Variants in PLG observed in about 807,000 individuals in gnomAD.
The protein encoded by PLG is plasmin.
In PLG, 41 loss-of-function variants were observed where a neutral mutation model predicts 104.4. The observed-to-expected ratio is 0.39, with a 90% confidence interval of 0.31 to 0.51. The LOEUF (loss-of-function observed/expected upper bound fraction) is 0.51. PLG is among the 20% of genes least tolerant of loss of function. PLG has a pLI of 0.76. For missense variants in PLG, 891 were observed against 1,003.6 expected, an observed-to-expected ratio of 0.89 and a Z score of 1.52; for synonymous variants, 337 against 357.1, an observed-to-expected ratio of 0.94 and a Z score of 0.63.
rs1343185779 is a variant in PLG, at chr6:160,716,637, C to G, written c.669-8C>G. ...TCAGTGCTACTAAAATCTTTCTTGTCCATTCAGATTTCCAAACAAGAACCT... is the reference window on the plus strand; with the variant it reads ...TCAGTGCTACTAAAATCTTTCTTGTGCATTCAGATTTCCAAACAAGAACCT... On this transcript the variant is annotated splice_polypyrimidine_tract_variant and splice_region_variant and intron_variant, in intron 6 of 18. Coordinates refer to ENST00000308192, the MANE Select transcript of PLG (RefSeq NM_000301.5). The G allele has an allele frequency of 2.0e-6, 3 of 1,481,594 alleles. No individual in the cohort carries two copies. In the East Asian group the frequency reaches 6.8e-5, roughly 33 times the overall value. 91.8% of individuals were successfully genotyped at this position (1,481,594 alleles called of 1,614,324 possible).
intron 1 of PLG, among the ~76,000 whole-genome samples, chr6:160,704,970 C>A (rs1777490337): frequency 6.6e-6 from 1 of 152,176 alleles, no homozygotes; most frequent in Non-Finnish European, 1.5e-5. Flanking sequence ...TCAGAACCTC[C>A]CCTGACCGCA....
rs574647595 is a variant in PLG, at chr6:160,724,055, C to A, written c.1256+1488C>A. Among the ~76,000 whole-genome samples, 3 of 152,322 alleles carry A rather than the reference C, an allele frequency of 2.0e-5. No individual in the cohort carries two copies. The highest frequency in any genetic ancestry group is 6.5e-5 in the Admixed American group (1 of 15,304). On this transcript the variant is annotated intron_variant, in intron 10 of 18. Transcript: ENST00000308192. This position sits in a 1 kb window ranked among gnomAD's most constrained non-coding sequence, Gnocchi z 5.0. The stretch of plus-strand genomic sequence containing the variant: ...AAAATCAAGTTGCTCAGTTATGTGG[C>A]ATCCACAATGTGTGACCTAAATTTA...
In PLG at chr6:160,731,297, C is replaced by T. The variant is rs1002629614; in HGVS notation, c.1438+65C>T. 1 of 1,381,222 alleles carries T rather than the reference C, an allele frequency of 7.2e-7. No individual in the cohort carries two copies. The highest frequency in any genetic ancestry group is 1.4e-5 in the African/African-American group (1 of 70,500). The allele number at this position is 1,381,222 out of a possible 1,614,324, so 85.6% of individuals were successfully genotyped here. On this transcript the variant is annotated intron_variant, in intron 11 of 18. Transcript: ENST00000308192. The surrounding 1 kb of genome is among the most constrained non-coding windows in gnomAD (Gnocchi z 5.1). ...TGGGATGAAAAGCCATGGAAAATCT[C>T]ACTGATGCAGAAACCTTCCATGCTA...
At position 160,741,814 on chromosome 6, in the gene PLG, C is replaced by T. The variant is rs1344825557; in HGVS notation, c.2125+397C>T. 1.3e-5 allele frequency among the ~76,000 whole-genome samples: 2 copies of T among 152,164 alleles called. No individual in the cohort carries two copies. Among genetic ancestry groups the T allele is most frequent in the African/African-American group, 4.8e-5 (2 of 41,424 alleles). On this transcript the variant is annotated intron_variant, in intron 17 of 18. Coordinates refer to ENST00000308192, the MANE Select transcript of PLG (RefSeq NM_000301.5). The surrounding 1 kb of genome is among the most constrained non-coding windows in gnomAD (Gnocchi z 4.7). Reference sequence around the variant, plus strand: ...TTTCCTGCTCCTCTCCCTCCTCCCACTCTTCTCCCTCAAGTAGGCCCCAGT... The same window carrying T: ...TTTCCTGCTCCTCTCCCTCCTCCCATTCTTCTCCCTCAAGTAGGCCCCAGT...
rs952128853 is a variant in PLG at position 160,744,800 on chromosome 6, G to A, written c.2125+3383G>A. Among the ~76,000 whole-genome samples the A allele has an allele frequency of 2.6e-5, 4 of 152,122 alleles. No individual in the cohort carries two copies. The highest frequency in any genetic ancestry group is 9.7e-5 in the African/African-American group (4 of 41,432). On this transcript the variant is annotated intron_variant, in intron 17 of 18. Transcript: ENST00000308192. This position sits in a 1 kb window ranked among gnomAD's most constrained non-coding sequence, Gnocchi z 4.5. Reference sequence around the variant, plus strand: ...TCTTGATGCTAGCATTTGGTGCTATGAATTTCTCTCTTAACACTACCTTAG... The same window carrying A: ...TCTTGATGCTAGCATTTGGTGCTATAAATTTCTCTCTTAACACTACCTTAG...
chr6:160,742,595 A>G (rs926031596), intron 17 of PLG, among the ~76,000 whole-genome samples: 1 of 151,826 alleles, frequency 6.6e-6, no homozygotes. Flanking sequence ...CCTGTTCTCT[A>G]GGTTTTCCCT....
chr6:160,741,464 A>C lies in PLG; in HGVS notation c.2125+47A>C. On this transcript the variant is annotated intron_variant, in intron 17 of 18. Transcript: ENST00000308192. This position sits in a 1 kb window ranked among gnomAD's most constrained non-coding sequence, Gnocchi z 4.7. ...ACATAACGAATTGGTTTTGACCTAC[A>C]GTCCATGTGACAAAATGATCATTTT... 1 of 1,042,768 alleles carries C rather than the reference A, an allele frequency of 9.6e-7. No homozygotes were observed. The highest frequency in any genetic ancestry group is 1.5e-6 in the Non-Finnish European group (1 of 659,716). The allele number at this position is 1,042,768 out of a possible 1,614,324, so 64.6% of individuals were successfully genotyped here.
chr6:160,738,134 G>A lies in PLG; in HGVS notation c.1803-404G>A, dbSNP rs958623575. ...TGCTCAGGATCACATCTGGCTCCTT[G>A]AAGAGTGATTCATCAGACCTTACAT... On this transcript the variant is annotated intron_variant, in intron 14 of 18. Coordinates refer to ENST00000308192, the MANE Select transcript of PLG (RefSeq NM_000301.5). The surrounding 1 kb of genome is among the most constrained non-coding windows in gnomAD (Gnocchi z 6.8). Among the ~76,000 whole-genome samples the A allele has an allele frequency of 2.6e-5, 4 of 152,210 alleles. No individual in the cohort carries two copies. Among genetic ancestry groups the A allele is most frequent in the South Asian group, 2.1e-4 (1 of 4,836 alleles).
At position 160,720,410 on chromosome 6, in the gene PLG, C is replaced by CTTTTTTTTTTTTTTTTTTTTTTTTT. The variant is rs3057066; in HGVS notation, c.1096+1575_1096+1599dup. On this transcript the variant is annotated intron_variant, in intron 9 of 18. Transcript: ENST00000308192. ...TCTTTTCTCTTTTTTCTTTTCTTTTCTTTTTTTTTTTTTTTTTTTTTTTTT... is the reference window on the plus strand; with the variant it reads ...TCTTTTCTCTTTTTTCTTTTCTTTTCTTTTTTTTTTTTTTTTTTTTTTTTTTTTTTTTTTTTTTTTTTTTTTTTTT... 7.7e-4 allele frequency among the ~76,000 whole-genome samples: 45 copies of CTTTTTTTTTTTTTTTTTTTTTTTTT among 58,522 alleles called. 8 individuals are homozygous for CTTTTTTTTTTTTTTTTTTTTTTTTT. Among genetic ancestry groups the CTTTTTTTTTTTTTTTTTTTTTTTTT allele is most frequent in the South Asian group, 1.7e-3 (2 of 1,148 alleles). The allele number at this position is 58,522 out of a possible 152,430, so 38.4% of individuals were successfully genotyped here. A position where few individuals can be genotyped will look rare whatever the true frequency, so the allele number is the denominator to read the frequency against.
chr6:160,731,946 A>G lies in PLG; in HGVS notation c.1587+53A>G, dbSNP rs1778006745. ...GCCTTTTGCTCACCAATCTTTGCAA[A>G]CAGAATTGGTTCTGTGTTACAGAAA... On this transcript the variant is annotated intron_variant, in intron 12 of 18. Transcript: ENST00000308192. The surrounding 1 kb of genome is among the most constrained non-coding windows in gnomAD (Gnocchi z 5.1). The G allele has an allele frequency of 1.5e-5, 23 of 1,578,042 alleles. No individual in the cohort carries two copies. The South Asian group carries it at 2.4e-4, about 17-fold the overall frequency.
At chr6:160,722,304 A>G (rs1395822018) in intron 9 of PLG, 104 bp from the exon 10 acceptor site, 1 of 755,330 alleles carries the variant, frequency 1.3e-6, no homozygotes, top group East Asian at 2.5e-5. Flanking sequence ...AAAAGAGAAC[A>G]GTCATAATTC....
chr6:160,749,357 C>CCAT (rs201528863), intron 17 of PLG, among the ~76,000 whole-genome samples: 4,440 of 151,186 alleles, frequency 0.029, 247 homozygotes, highest in African/African-American at 0.1. Flanking sequence ...ATTACCACCA[C>CCAT]CACCATTGTC....
chr6:160,702,419 T>C lies in PLG; in HGVS notation c.49+66T>C, dbSNP rs4252185. On this transcript the variant is annotated intron_variant, in intron 1 of 18. Transcript: ENST00000308192. The stretch of plus-strand genomic sequence containing the variant: ...TCCCACAATGTAGTAAAAATACATA[T>C]GCCATGGCTTTATGTGCAATTCATT... 104,492 of 1,389,948 alleles carry C rather than the reference T, an allele frequency of 0.075. 4,883 individuals are homozygous for C. The highest frequency in any genetic ancestry group is 0.093 in the Non-Finnish European group (92,408 of 995,508). The allele number at this position is 1,389,948 out of a possible 1,614,324, so 86.1% of individuals were successfully genotyped here. A position where few individuals can be genotyped will look rare whatever the true frequency, so the allele number is the denominator to read the frequency against.
At chr6:160,710,127 C>T (rs1450854323) in intron 3 of PLG, among the ~76,000 whole-genome samples, 3 of 152,084 alleles carry the variant, frequency 2.0e-5, no homozygotes, top group Non-Finnish European at 4.4e-5. Flanking sequence ...TGTGTAAAAC[C>T]TTTAGATTTT....
At chr6:160,750,762 C>T (rs1007628505) in intron 17 of PLG, among the ~76,000 whole-genome samples, 1 of 152,066 alleles carries the variant, frequency 6.6e-6, no homozygotes, top group Non-Finnish European at 1.5e-5. Context: ...TCGGTTCTTA[C>T]CTGTGTCATG....
chr6:160,718,524 A>T lies in PLG; in HGVS notation c.950+68A>T. 3.5e-6 allele frequency: 5 copies of T among 1,422,422 alleles called. 1 individual carries two copies. In the South Asian group the frequency reaches 5.7e-5, roughly 16 times the overall value. The allele number at this position is 1,422,422 out of a possible 1,614,324, so 88.1% of individuals were successfully genotyped here. A position where few individuals can be genotyped will look rare whatever the true frequency, so the allele number is the denominator to read the frequency against. On this transcript the variant is annotated intron_variant, in intron 8 of 18. Transcript: ENST00000308192. The stretch of plus-strand genomic sequence containing the variant: ...ATCCCATTGACTTTGCCTTAGTTTT[A>T]GTTACTGTAGGAACGCAGGATAAAG...
Position 160,735,355 on chromosome 6 carries a change from C to G in PLG, c.1681+1267C>G, listed in dbSNP as rs1177951361. On this transcript the variant is annotated intron_variant, in intron 13 of 18. Transcript: ENST00000308192. This position sits in a 1 kb window ranked among gnomAD's most constrained non-coding sequence, Gnocchi z 5.4. ...CACTACCGTGCCTGGGACTCATGCA[C>G]CTTTGACTCCCATGGAAGGGAAGTG... Among the ~76,000 whole-genome samples the G allele has an allele frequency of 6.6e-6, 1 of 152,134 alleles. No homozygotes were observed. The highest frequency in any genetic ancestry group is 1.5e-5 in the Non-Finnish European group (1 of 68,028).
chr6:160,707,739 A>G lies in PLG; in HGVS notation c.225A>G (p.Ile75Met), dbSNP rs1312706315. The change falls in exon 3 of 19, where the codon ATA becomes ATG. Residue 75 changes from isoleucine (I) to methionine (M), a missense_variant. Coordinates refer to ENST00000308192, the MANE Select transcript of PLG (RefSeq NM_000301.5). ...QYHSKEQQCV[I>M]MAENRKSSII... The stretch of plus-strand genomic sequence containing the variant: ...ACAGTAAAGAGCAACAATGTGTGAT[A>G]ATGGCTGAAAACAGGAAGTCCTCCA... 3 of 1,611,418 alleles carry G rather than the reference A, an allele frequency of 1.9e-6. No individual in the cohort carries two copies. The highest frequency in any genetic ancestry group is 1.7e-6 in the Non-Finnish European group (2 of 1,179,438).
rs759482781 is a variant in PLG, at chr6:160,718,768, G to A, written c.1026G>A (p.Val342=). ...APWCHTTNSQ[V]RWEYCKIPSC... The stretch of plus-strand genomic sequence containing the variant: ...GGTGCCATACAACCAACAGCCAAGT[G>A]CGGTGGGAGTACTGTAAGATACCGT... Residue 342 remains valine (V), a synonymous_variant, in exon 9 of 19, where the codon GTG becomes GTA. Transcript: ENST00000308192. 6.2e-7 allele frequency: 1 copy of A among 1,613,718 alleles called. No homozygotes were observed. The highest frequency in any genetic ancestry group is 8.5e-7 in the Non-Finnish European group (1 of 1,179,656).
Sources: gnomAD v4.1 joint callset for allele counts (sites outside exome capture counted in the v4.1 genomes callset) on GRCh38, gnomAD v4.1.1 for gene constraint, Gnocchi (gnomAD v3.1) non-coding constraint, MANE v1.5 for transcripts, NCBI Gene and HGNC (gene_info 2026-07-23, HGNC 2026-07-21) for gene names.